Variants in THSD7B observed in about 807,000 individuals in gnomAD.
THSD7B encodes the protein thrombospondin type-1 domain-containing protein 7B.
In THSD7B, 138 loss-of-function variants were observed where a neutral mutation model predicts 213.6. That is an observed-to-expected ratio of 0.65 (90% CI 0.56 to 0.74). The LOEUF is 0.74. THSD7B is among the 30% of genes least tolerant of loss of function. THSD7B has a pLI of 0.00. For missense variants in THSD7B, 1,931 were observed against 1,991.5 expected, an observed-to-expected ratio of 0.97 and a Z score of 0.58; for synonymous variants, 742 against 687.0, an observed-to-expected ratio of 1.08 and a Z score of -1.25.
intron 17 of THSD7B, among the ~76,000 whole-genome samples, chr2:137,589,278 G>A (rs1304563606): frequency 1.3e-5 from 2 of 151,800 alleles, no homozygotes; most frequent in Non-Finnish European, 2.9e-5. Flanking sequence ...ATTCTACTTA[G>A]AAAAAATTTT....
At chr2:137,526,050 G>A (rs1187154305) in intron 15 of THSD7B, among the ~76,000 whole-genome samples, 1 of 151,998 alleles carries the variant, frequency 6.6e-6, no homozygotes, top group Non-Finnish European at 1.5e-5. Context: ...CAGGCTGACA[G>A]CCACTTGGTT....
intron 12 of THSD7B, among the ~76,000 whole-genome samples, chr2:137,279,282 T>A (rs1407437406): frequency 6.6e-6 from 1 of 152,168 alleles, no homozygotes; most frequent in African/African-American, 2.4e-5. Flanking sequence ...ATGCCTGTAA[T>A]CTCAGCACTT....
chr2:137,254,765 A>G (rs866178816), intron 10 of THSD7B, among the ~76,000 whole-genome samples: 1 of 152,020 alleles, frequency 6.6e-6, no homozygotes, highest in Non-Finnish European at 1.5e-5. Flanking sequence ...TCCATTATGT[A>G]TTTTTTCTAC....
intron 12 of THSD7B, among the ~76,000 whole-genome samples, chr2:137,366,324 G>A (rs1685406620): frequency 6.6e-6 from 1 of 151,880 alleles, no homozygotes; most frequent in African/African-American, 2.4e-5. Flanking sequence ...AAACCAACAT[G>A]GCTTATGTAT....
intron 10 of THSD7B, among the ~76,000 whole-genome samples, chr2:137,270,396 C>T (rs1279126591): frequency 6.6e-6 from 1 of 152,162 alleles, no homozygotes; most frequent in African/African-American, 2.4e-5. Flanking sequence ...ATCTCCTTAA[C>T]TTCCAGTTCA....
intron 12 of THSD7B, among the ~76,000 whole-genome samples, chr2:137,367,260 A>G (rs538039386): frequency 3.6e-4 from 55 of 152,244 alleles, no homozygotes; most frequent in Middle Eastern, 3.4e-3. Context: ...TCTCATTTCA[A>G]TTACTTGCCT....
chr2:137,545,071 A>G (rs1362564998), intron 15 of THSD7B, among the ~76,000 whole-genome samples: 1 of 151,762 alleles, frequency 6.6e-6, no homozygotes, highest in African/African-American at 2.4e-5. Flanking sequence ...GTGCAATGTT[A>G]GTAAGTATTC....
At chr2:137,155,081 A>G (rs1250491458) in intron 5 of THSD7B, among the ~76,000 whole-genome samples, 148 of 152,372 alleles carry the variant, frequency 9.7e-4, no homozygotes, top group Non-Finnish European at 2.2e-4. Flanking sequence ...TGACTATTGC[A>G]TATGTGCAAT....
At chr2:137,072,778 A>G (rs1241582164) in intron 3 of THSD7B, among the ~76,000 whole-genome samples, 1 of 152,214 alleles carries the variant, frequency 6.6e-6, no homozygotes, top group Non-Finnish European at 1.5e-5. Context: ...GATATGCCCC[A>G]TCAATACCTA....
In THSD7B at chr2:137,389,121, T is replaced by C. The variant is rs146367209; in HGVS notation, c.2501-16492T>C. ...CTGTTTTCCTTACTGGCTGTATTAA[T>C]TTACATTACCACTAACAGTGTATAA... On this transcript the variant is annotated intron_variant, in intron 12 of 27. Coordinates refer to ENST00000409968, the MANE Select transcript of THSD7B (RefSeq NM_001316349.2). Among the ~76,000 whole-genome samples the C allele has an allele frequency of 4.9e-3, 736 of 149,480 alleles. 6 individuals are homozygous for C. The highest frequency in any genetic ancestry group is 0.017 in the African/African-American group (704 of 40,792).
chr2:137,585,910 C>CGTT (rs1681714095), intron 17 of THSD7B, among the ~76,000 whole-genome samples: 1 of 149,960 alleles, frequency 6.7e-6, no homozygotes, highest in Non-Finnish European at 1.5e-5. Flanking sequence ...CTTTCTTTCT[C>CGTT]GATCTGTCTA....
At chr2:136,804,201 A>G (rs1682242655) in intron 1 of THSD7B, among the ~76,000 whole-genome samples, 1 of 152,308 alleles carries the variant, frequency 6.6e-6, no homozygotes, top group Admixed American at 6.5e-5. Context: ...GGTCATGTAT[A>G]GCTGTGTGAT....
intron 18 of THSD7B, 141 bp downstream of exon 18, chr2:137,616,457 T>C: frequency 1.5e-6 from 1 of 663,056 alleles, no homozygotes. Context: ...GGACTTCATG[T>C]TTCTAGTATC....
At chr2:136,804,403 A>AACACACAC (rs3030361) in intron 1 of THSD7B, among the ~76,000 whole-genome samples, 3,289 of 148,160 alleles carry the variant, frequency 0.022, 48 homozygotes, top group African/African-American at 0.038. Context: ...ACACACACAT[A>AACACACAC]ACACACACAC....
chr2:137,385,686 G>A (rs760288491), intron 12 of THSD7B, among the ~76,000 whole-genome samples: 4 of 152,104 alleles, frequency 2.6e-5, no homozygotes, highest in Admixed American at 1.3e-4. Context: ...CCACACACAC[G>A]TGCAAAAAAG....
chr2:137,445,145 G>A (rs1687510281), intron 14 of THSD7B, among the ~76,000 whole-genome samples: 2 of 151,818 alleles, frequency 1.3e-5, no homozygotes, highest in South Asian at 2.1e-4. Context: ...AAGAATGCTC[G>A]TACACAGTTG....
At chr2:136,907,546 A>C (rs1684185600) in intron 2 of THSD7B, among the ~76,000 whole-genome samples, 1 of 152,234 alleles carries the variant, frequency 6.6e-6, no homozygotes, top group African/African-American at 2.4e-5. Context: ...AAGTAATAAA[A>C]TGATAAATAA....
intron 4 of THSD7B, among the ~76,000 whole-genome samples, chr2:137,104,304 G>C (rs369337094): frequency 1.1e-3 from 161 of 152,260 alleles, no homozygotes; most frequent in African/African-American, 3.7e-3. Flanking sequence ...TGAAATTAAG[G>C]CTGAAATAAA....
chr2:137,032,394 T>A (rs1686693037), intron 2 of THSD7B, among the ~76,000 whole-genome samples: 1 of 152,174 alleles, frequency 6.6e-6, no homozygotes, highest in Admixed American at 6.5e-5. Context: ...TTGCAACCAG[T>A]ACTGTACCAG....
Sources: gnomAD v4.1 joint callset for allele counts (sites outside exome capture counted in the v4.1 genomes callset) on GRCh38, gnomAD v4.1.1 for gene constraint, MANE v1.5 for transcripts, NCBI Gene and HGNC (gene_info 2026-07-23, HGNC 2026-07-21) for gene names.